Variants in SPRED1 observed in about 807,000 individuals in gnomAD.
SPRED1 encodes sprouty-related, EVH1 domain-containing protein 1.
A neutral mutation model predicts 52.3 loss-of-function variants in SPRED1; 18 were observed. The observed-to-expected ratio is 0.34, with a 90% CI of 0.24 to 0.51. The LOEUF is 0.51. Ranked by LOEUF, SPRED1 falls within the 20% of genes least tolerant of loss-of-function variation. The pLI, the probability that SPRED1 is intolerant of heterozygous loss-of-function variation, is 0.97. For synonymous variants in SPRED1, 155 were observed against 179.7 expected, an observed-to-expected ratio of 0.86 and a Z score of 1.10; for missense variants, 485 against 551.0, an observed-to-expected ratio of 0.88 and a Z score of 1.20.
intron 1 of SPRED1, among the ~76,000 whole-genome samples, chr15:38,280,501 T>A (rs1347674318): frequency 7.5e-6 from 1 of 133,456 alleles, no homozygotes; most frequent in African/African-American, 2.7e-5. Context: ...GGATATCATC[T>A]TTGCGTTAGA....
chr15:38,339,709 C>T, intron 4 of SPRED1, 28 bp from the exon 5 acceptor site: 1 of 1,610,930 alleles, frequency 6.2e-7, no homozygotes, highest in Non-Finnish European at 8.5e-7. Context: ...ATTCTGGCAA[C>T]TAATGCATTG....
chr15:38,301,642 CAAAT>C (rs1421536641), intron 2 of SPRED1, among the ~76,000 whole-genome samples: 8 of 152,140 alleles, frequency 5.3e-5, no homozygotes, highest in Non-Finnish European at 1.2e-4. Context: ...AATCTCAAGA[CAAAT>C]GAGACGGTGA....
chr15:38,347,710 A>G (rs1373395677), intron 5 of SPRED1, among the ~76,000 whole-genome samples: 1 of 152,014 alleles, frequency 6.6e-6, no homozygotes, highest in Non-Finnish European at 1.5e-5. Flanking sequence ...CATATTTTAT[A>G]GGATTATTTC....
At chr15:38,292,348 C>A (rs1361516879) in intron 1 of SPRED1, among the ~76,000 whole-genome samples, 1 of 152,186 alleles carries the variant, frequency 6.6e-6, no homozygotes, top group Non-Finnish European at 1.5e-5. Flanking sequence ...CTGCCTGTTA[C>A]CCAGTTCCAA....
chr15:38,274,402 A>G (rs1652799712), intron 1 of SPRED1, among the ~76,000 whole-genome samples: 1 of 152,252 alleles, frequency 6.6e-6, no homozygotes, highest in Non-Finnish European at 1.5e-5. Context: ...TAGAATCTAC[A>G]GAGCACCTTT....
rs1423659292 is a variant in SPRED1, at chr15:38,352,880, G to A, written c.*1216G>A. 2 of 152,114 alleles carry A rather than the reference G, an allele frequency of 1.3e-5. No individual in the cohort carries two copies. The highest frequency in any genetic ancestry group is 4.8e-5 in the African/African-American group (2 of 41,454). 9.4% of individuals were successfully genotyped at this position (152,114 alleles called of 1,614,324 possible). ...ATGTGTGCTAAACTATCCCAGGAAA[G>A]TATTTAATCCAACATTGTAAATGAA... On this transcript the variant is annotated 3_prime_UTR_variant, in exon 7 of 7. Transcript: ENST00000299084.
chr15:38,256,773 A>G (rs1894106398), intron 1 of SPRED1, among the ~76,000 whole-genome samples: 1 of 152,110 alleles, frequency 6.6e-6, no homozygotes, highest in South Asian at 2.1e-4. Flanking sequence ...AAATAAACAT[A>G]TGTTCACCCC....
intron 1 of SPRED1, among the ~76,000 whole-genome samples, chr15:38,263,850 A>G (rs1894251782): frequency 6.6e-6 from 1 of 152,200 alleles, no homozygotes; most frequent in African/African-American, 2.4e-5. Flanking sequence ...ATAATGTTAT[A>G]AGAAAGTGTA....
chr15:38,312,731 T>G (rs1895393881), intron 2 of SPRED1, among the ~76,000 whole-genome samples: 1 of 152,078 alleles, frequency 6.6e-6, no homozygotes, highest in African/African-American at 2.4e-5. Context: ...AAGTTACAGT[T>G]TTTTAGGAAA....
chr15:38,282,763 A>G (rs1329859487), intron 1 of SPRED1, among the ~76,000 whole-genome samples: 1 of 152,180 alleles, frequency 6.6e-6, no homozygotes, highest in East Asian at 1.9e-4. Context: ...TGAAAAGTTT[A>G]TAGATTAAAA....
chr15:38,298,127 C>G (rs957629755), intron 1 of SPRED1, among the ~76,000 whole-genome samples: 2 of 152,074 alleles, frequency 1.3e-5, no homozygotes, highest in Non-Finnish European at 2.9e-5. Flanking sequence ...CATCATGAGT[C>G]ATTATGGAAA....
chr15:38,274,728 T>A (rs1279070510), intron 1 of SPRED1, among the ~76,000 whole-genome samples: 2 of 152,226 alleles, frequency 1.3e-5, no homozygotes, highest in African/African-American at 2.4e-5. Flanking sequence ...CATGTCTCTT[T>A]AGTCTCCTTT....
chr15:38,348,893 T>A (rs552393613), intron 5 of SPRED1, among the ~76,000 whole-genome samples: 1 of 152,306 alleles, frequency 6.6e-6, no homozygotes, highest in South Asian at 2.1e-4. Context: ...CCTATTTTTT[T>A]ATTGCTATAT....
chr15:38,340,063 C>T (rs1325780579), intron 5 of SPRED1, among the ~76,000 whole-genome samples, 168 bp downstream of exon 5: 2 of 152,112 alleles, frequency 1.3e-5, no homozygotes, highest in Admixed American at 1.3e-4. Flanking sequence ...GAGCCAAATC[C>T]AGAGTGAAAC....
At chr15:38,348,202 CT>C (rs1208551106) in intron 5 of SPRED1, among the ~76,000 whole-genome samples, 2 of 151,910 alleles carry the variant, frequency 1.3e-5, no homozygotes, top group Non-Finnish European at 2.9e-5. Flanking sequence ...TTCTGTTTTT[CT>C]TTTTTTCACT....
At chr15:38,288,791 T>C (rs1347310280) in intron 1 of SPRED1, among the ~76,000 whole-genome samples, 1 of 151,964 alleles carries the variant, frequency 6.6e-6, no homozygotes, top group Non-Finnish European at 1.5e-5. Context: ...ATATTGTGTC[T>C]TTTTTTTATT....
intron 2 of SPRED1, among the ~76,000 whole-genome samples, chr15:38,311,930 T>C (rs986391493): frequency 3.3e-5 from 5 of 152,122 alleles, no homozygotes; most frequent in Non-Finnish European, 7.4e-5. Context: ...TTTGGGTTTA[T>C]TTTGCTCTCC....
rs899712805 is a variant in SPRED1, at chr15:38,351,280, A to T, written c.951A>T (p.Ser317=). 1.3e-5 allele frequency: 21 copies of T among 1,614,008 alleles called. 1 individual carries two copies. The highest frequency in any genetic ancestry group is 1.7e-5 in the Non-Finnish European group (20 of 1,180,022). The change falls in exon 7 of 7, where the codon TCA becomes TCT. Residue 317 remains serine (S), a synonymous_variant. Coordinates refer to ENST00000299084, the MANE Select transcript of SPRED1 (RefSeq NM_152594.3). Reference sequence around the variant, plus strand: ...TGGTATTTAAGACGCAGCCTTCCTCATTAAAAATTAAGAAGTCAAAACGAA... The same window carrying T: ...TGGTATTTAAGACGCAGCCTTCCTCTTTAAAAATTAAGAAGTCAAAACGAA... The part of the protein sequence containing the change: ...DSVVFKTQPS[S]LKIKKSKRRK...
intron 1 of SPRED1, among the ~76,000 whole-genome samples, chr15:38,254,965 A>T (rs1274063723): frequency 6.6e-6 from 1 of 152,224 alleles, no homozygotes; most frequent in Non-Finnish European, 1.5e-5. Flanking sequence ...TCTTTTAGAG[A>T]TGGGAAAAGA....
Sources: gnomAD v4.1 joint callset for allele counts (sites outside exome capture counted in the v4.1 genomes callset) on GRCh38, gnomAD v4.1.1 for gene constraint, MANE v1.5 for transcripts, NCBI Gene and HGNC (gene_info 2026-07-23, HGNC 2026-07-21) for gene names.